MASP1: variants seen among roughly 807,000 people sequenced by gnomAD.
MASP1 encodes MBL associated serine protease 1.
A neutral mutation model predicts 77.1 loss-of-function variants in MASP1; 59 were observed. The observed-to-expected ratio is 0.77, with a 90% CI of 0.62 to 0.95. MASP1 has a LOEUF of 0.95. Among genes scored for constraint, MASP1 ranks in the 40% least tolerant of loss-of-function variants. MASP1 has a pLI of 0.00. For synonymous variants in MASP1, 362 were observed against 354.5 expected (o/e 1.02, Z -0.24); for missense variants, 885 against 912.9 (o/e 0.97, Z 0.39).
Position 187,234,240 on chromosome 3 carries a change from C to A in MASP1, c.*1444G>T. 1 of 1,287,230 alleles carries A rather than the reference C, an allele frequency of 7.8e-7. No individual in the cohort carries two copies. The highest frequency in any genetic ancestry group is 1.2e-5 in the South Asian group (1 of 80,942). 79.7% of individuals were successfully genotyped at this position (1,287,230 alleles called of 1,614,324 possible). A position where few individuals can be genotyped will look rare whatever the true frequency, so the allele number is the denominator to read the frequency against. The stretch of plus-strand genomic sequence containing the variant: ...TAGACAAAGGAGTGTGTTTGATGAG[C>A]CGGTTGAGAAAGTGGACACTTCCCA... On this transcript the variant is annotated 3_prime_UTR_variant, in exon 11 of 11. Transcript: ENST00000296280.
At chr3:187,263,849 G>A (rs751058460) in intron 2 of MASP1, among the ~76,000 whole-genome samples, 6 of 152,110 alleles carry the variant, frequency 3.9e-5, no homozygotes, top group Non-Finnish European at 8.8e-5. Flanking sequence ...GGGAAGCTTC[G>A]TATGATAGCT....
At chr3:187,224,340 A>ATTT (rs1181826969) in intron 13 of MASP1, among the ~76,000 whole-genome samples, 130 of 102,026 alleles carry the variant, frequency 1.3e-3, no homozygotes, top group African/African-American at 1.6e-3. Context: ...TGTGCTGAGT[A>ATTT]TTTTTTTTTT....
At chr3:187,271,942 T>G (rs965501207) in intron 2 of MASP1, among the ~76,000 whole-genome samples, 2 of 152,194 alleles carry the variant, frequency 1.3e-5, no homozygotes, top group African/African-American at 4.8e-5. Context: ...AGATCTTTGC[T>G]TCATAAACAA....
chr3:187,250,688 C>A (rs1371240196), intron 7 of MASP1, among the ~76,000 whole-genome samples: 3 of 152,186 alleles, frequency 2.0e-5, no homozygotes, highest in Non-Finnish European at 4.4e-5. Flanking sequence ...GCTTCTCCCC[C>A]AGAGTTTCTG....
At chr3:187,274,064 CG>C (rs1174248831) in intron 2 of MASP1, among the ~76,000 whole-genome samples, 2 of 152,036 alleles carry the variant, frequency 1.3e-5, no homozygotes, top group African/African-American at 2.4e-5. Context: ...AAAAATTAGC[CG>C]GGCGTCCTGG....
chr3:187,253,041 G>T, intron 6 of MASP1, 127 bp downstream of exon 6: 1 of 1,257,592 alleles, frequency 8.0e-7, no homozygotes, highest in Non-Finnish European at 1.2e-6. Context: ...TTGGTCCCCA[G>T]CTGCTCAACT....
intron 6 of MASP1, among the ~76,000 whole-genome samples, chr3:187,252,863 C>T (rs1318213720): frequency 1.3e-5 from 2 of 152,186 alleles, no homozygotes; most frequent in African/African-American, 4.8e-5. Flanking sequence ...TCTACTGAAT[C>T]ACTGTGTGAG....
At chr3:187,230,623 C>T (rs549023196), downstream of MASP1, among the ~76,000 whole-genome samples, 1 of 152,328 alleles carries the variant, frequency 6.6e-6, no homozygotes, top group East Asian at 1.9e-4. Context: ...AAGATCCCCT[C>T]CACCACAGTG....
At position 187,235,940 on chromosome 3, in the gene MASP1, G is replaced by A. The variant is rs146714674; in HGVS notation, c.1931C>T (p.Thr644Met). ...GTAGCCAGCACAGAACATGTTCTCC[G>A]TGACGCTGTAATTGCCCGAGCGGGA... The part of the protein sequence containing the change: ...YESRSGNYSV[T>M]ENMFCAGYYE... Residue 644 changes from threonine (T) to methionine (M), a missense_variant, in exon 11 of 11, where the codon ACG becomes ATG. Coordinates refer to ENST00000296280, the MANE Select transcript of MASP1 (RefSeq NM_139125.4). The A allele has an allele frequency of 2.5e-4, 402 of 1,614,100 alleles. No individual in the cohort carries two copies. Among genetic ancestry groups the A allele is most frequent in the Non-Finnish European group, 2.7e-4 (319 of 1,180,040 alleles).
chr3:187,222,320 C>T (rs1712111273), intron 14 of MASP1, among the ~76,000 whole-genome samples: 1 of 152,172 alleles, frequency 6.6e-6, no homozygotes, highest in Non-Finnish European at 1.5e-5. Context: ...GGGCCAGGGA[C>T]CAGATCTATC....
At chr3:187,220,538 C>T (rs1711993881) in intron 15 of MASP1, among the ~76,000 whole-genome samples, 1 of 142,364 alleles carries the variant, frequency 7.0e-6, no homozygotes, top group Non-Finnish European at 1.5e-5. Flanking sequence ...CTCTGTCACA[C>T]CCAGGCTAGA....
rs901501911 is a variant in MASP1, at chr3:187,236,691, C to A, written c.1304-124G>T. 2.3e-5 allele frequency: 35 copies of A among 1,541,232 alleles called. No individual in the cohort carries two copies. The East Asian group carries it at 7.8e-4, about 34-fold the overall frequency. On this transcript the variant is annotated intron_variant, in intron 10 of 10. Transcript: ENST00000296280. ...AGATTATGCCACCATGGGACCCTAA[C>A]CTGCCTGGGTCATGCTAGCCTGGGA...
chr3:187,225,283 G>A (rs1415377851), intron 13 of MASP1: 1 of 1,605,624 alleles, frequency 6.2e-7, no homozygotes, highest in East Asian at 2.2e-5. Flanking sequence ...TCCTTGTGGA[G>A]GCACCAGCTG....
At chr3:187,251,460 C>T in intron 7 of MASP1, 174 bp downstream of exon 7, 1 of 616,482 alleles carries the variant, frequency 1.6e-6, no homozygotes, top group Non-Finnish European at 2.9e-6. Flanking sequence ...GAGTGTGAGA[C>T]CGCCTGGGAC....
chr3:187,220,417 C>T (rs572700318), intron 15 of MASP1, among the ~76,000 whole-genome samples: 2 of 152,196 alleles, frequency 1.3e-5, no homozygotes, highest in East Asian at 3.9e-4. Flanking sequence ...TAGGTCAGGC[C>T]GCATCAGAGC....
intron 13 of MASP1, chr3:187,223,277 C>T: frequency 9.1e-7 from 1 of 1,102,982 alleles, no homozygotes; most frequent in Admixed American, 1.7e-5. Context: ...CCATCATCCT[C>T]TTCTGTGGAG....
intron 2 of MASP1, among the ~76,000 whole-genome samples, chr3:187,274,296 C>T (rs1225421267): frequency 6.6e-6 from 1 of 152,108 alleles, no homozygotes; most frequent in East Asian, 1.9e-4. Flanking sequence ...TTTACCTTCT[C>T]TATTTTATTT....
intron 10 of MASP1, among the ~76,000 whole-genome samples, chr3:187,238,478 A>T (rs696406): frequency 0.55 from 83,905 of 152,090 alleles, 25,666 homozygotes; most frequent in East Asian, 0.86. Flanking sequence ...GGTCATTCTT[A>T]TTGGCTGCTG....
chr3:187,229,834 T>C (rs760718705), downstream of MASP1: 24 of 1,614,150 alleles, frequency 1.5e-5, no homozygotes, highest in South Asian at 2.6e-4. Flanking sequence ...GGTGCCTTTC[T>C]GGGCTGGGCG....
Sources: gnomAD v4.1 joint callset for allele counts (sites outside exome capture counted in the v4.1 genomes callset) on GRCh38, gnomAD v4.1.1 for gene constraint, MANE v1.5 for transcripts, NCBI Gene and HGNC (gene_info 2026-07-23, HGNC 2026-07-21) for gene names.